The following PARD3B variants were observed in gnomAD, a reference collection of about 807,000 sequenced individuals.
PARD3B encodes the protein partitioning defective 3 homolog B.
In PARD3B, 103 loss-of-function variants were observed where a neutral mutation model predicts 130.2. The ratio of observed to expected loss-of-function variants is 0.79; its 90% confidence interval spans 0.67 to 0.93. The LOEUF is 0.93. Among genes scored for constraint, PARD3B ranks in the 40% least tolerant of loss-of-function variants. PARD3B has a pLI of 0.00. For missense variants in PARD3B, 1,609 were observed against 1,499.2 expected (o/e 1.07, Z -1.21); for synonymous variants, 583 against 553.2 (o/e 1.05, Z -0.76).
chr2:205,471,432 G>A (rs1418988940), intron 20 of PARD3B, among the ~76,000 whole-genome samples: 2 of 145,318 alleles, frequency 1.4e-5, no homozygotes, highest in Non-Finnish European at 3.0e-5. Context: ...CGCAATCTCG[G>A]CTCACTGCAA....
At chr2:204,743,988 G>A (rs946729755) in intron 2 of PARD3B, among the ~76,000 whole-genome samples, 6 of 152,144 alleles carry the variant, frequency 3.9e-5, no homozygotes, top group Non-Finnish European at 8.8e-5. Flanking sequence ...AAACCCAAAG[G>A]TAGGCATTCA....
At chr2:205,506,311 G>T (rs1200342704) in intron 21 of PARD3B, among the ~76,000 whole-genome samples, 1 of 149,420 alleles carries the variant, frequency 6.7e-6, no homozygotes, top group Non-Finnish European at 1.5e-5. Flanking sequence ...CTAGCCTGGT[G>T]ACAGAGTGAG....
intron 2 of PARD3B, among the ~76,000 whole-genome samples, chr2:204,764,730 G>GTC (rs1476360168): frequency 6.6e-6 from 1 of 151,674 alleles, no homozygotes; most frequent in Non-Finnish European, 1.5e-5. Context: ...GTGTGTGTGT[G>GTC]TGTGTGTGTG....
intron 1 of PARD3B, among the ~76,000 whole-genome samples, chr2:204,579,605 G>A (rs531265019): frequency 6.6e-6 from 1 of 152,320 alleles, no homozygotes; most frequent in African/African-American, 2.4e-5. Context: ...GCACATTTAA[G>A]TATGACAGTG....
chr2:204,712,026 G>A (rs2038464437), intron 2 of PARD3B, among the ~76,000 whole-genome samples: 1 of 152,118 alleles, frequency 6.6e-6, no homozygotes, highest in South Asian at 2.1e-4. Flanking sequence ...CTAAACTTTT[G>A]TTTGGTAGGA....
chr2:205,022,609 T>C (rs1255872624), intron 3 of PARD3B, among the ~76,000 whole-genome samples: 1 of 152,176 alleles, frequency 6.6e-6, no homozygotes, highest in African/African-American at 2.4e-5. Flanking sequence ...CCAAGGTAGA[T>C]GGAAGATGAA....
At chr2:204,696,820 G>A (rs571020322) in intron 2 of PARD3B, among the ~76,000 whole-genome samples, 21 of 151,950 alleles carry the variant, frequency 1.4e-4, no homozygotes, top group South Asian at 4.2e-4. Flanking sequence ...GCTTTACTTC[G>A]ATGTTATGAA....
At chr2:205,509,050 G>T (rs2050488341) in intron 21 of PARD3B, among the ~76,000 whole-genome samples, 1 of 151,934 alleles carries the variant, frequency 6.6e-6, no homozygotes, top group Non-Finnish European at 1.5e-5. Flanking sequence ...AGCTATATGG[G>T]AGAAGATCTG....
At chr2:205,156,203 A>C (rs13401826) in intron 10 of PARD3B, among the ~76,000 whole-genome samples, 1,908 of 145,478 alleles carry the variant, frequency 0.013, 21 homozygotes, top group Middle Eastern at 0.035. Context: ...ATAGGTGGGA[A>C]TTGAACAATG....
intron 19 of PARD3B, among the ~76,000 whole-genome samples, chr2:205,435,174 T>C (rs953600488): frequency 2.6e-5 from 4 of 152,032 alleles, no homozygotes; most frequent in Admixed American, 2.0e-4. Context: ...CTTAGGAATT[T>C]TTTGTGTATT....
In PARD3B at chr2:205,620,095, TTATA is replaced by T. The variant is rs2055550506; in HGVS notation, c.*4286_*4289del. 6.6e-6 allele frequency: 1 copy of T among 152,160 alleles called. No individual in the cohort carries two copies. Among genetic ancestry groups the T allele is most frequent in the Non-Finnish European group, 1.5e-5 (1 of 68,038 alleles). 9.4% of individuals were successfully genotyped at this position (152,160 alleles called of 1,614,324 possible). On this transcript the variant is annotated 3_prime_UTR_variant, in exon 23 of 23. Transcript: ENST00000406610. ...ACCACAGAAAACATTTTGGAAGTTGTTATATATGAGTATATAAATTTTTCTTTTC... is the reference window on the plus strand; with the variant it reads ...ACCACAGAAAACATTTTGGAAGTTGTTATGAGTATATAAATTTTTCTTTTC...
chr2:205,346,699 C>T (rs2043804209), intron 18 of PARD3B, among the ~76,000 whole-genome samples: 2 of 152,158 alleles, frequency 1.3e-5, no homozygotes, highest in South Asian at 4.1e-4. Context: ...ATTCCTTCTC[C>T]AGATTACTGT....
chr2:205,162,197 C>A (rs1001060594), intron 11 of PARD3B, among the ~76,000 whole-genome samples: 1 of 152,186 alleles, frequency 6.6e-6, no homozygotes, highest in Admixed American at 6.5e-5. Flanking sequence ...TAAAAACCAA[C>A]AGAACAATAA....
intron 2 of PARD3B, among the ~76,000 whole-genome samples, chr2:204,903,058 G>A (rs534184790): frequency 6.6e-6 from 1 of 152,280 alleles, no homozygotes; most frequent in South Asian, 2.1e-4. Flanking sequence ...TGAGTGAGAG[G>A]AAAAGATTTA....
intron 2 of PARD3B, among the ~76,000 whole-genome samples, chr2:204,739,999 T>A (rs1045462964): frequency 6.6e-6 from 1 of 151,884 alleles, no homozygotes; most frequent in Non-Finnish European, 1.5e-5. Context: ...TTTCTTTCTT[T>A]CTTTTTCTTT....
intron 20 of PARD3B, among the ~76,000 whole-genome samples, chr2:205,467,256 T>C (rs538378876): frequency 6.6e-6 from 1 of 152,226 alleles, no homozygotes; most frequent in Non-Finnish European, 1.5e-5. Context: ...TCCGTGGGGC[T>C]TGGTTTGCAG....
At position 205,091,841 on chromosome 2, in the gene PARD3B, G is replaced by C. The variant is rs1202658703; in HGVS notation, c.505-12585G>C. On this transcript the variant is annotated intron_variant, in intron 4 of 22. Coordinates refer to ENST00000406610, the MANE Select transcript of PARD3B (RefSeq NM_001302769.2). This position sits in a 1 kb window ranked among gnomAD's most constrained non-coding sequence, Gnocchi z 4.2. ...CAGAATGGACTCTTCAGAGCAAAAA[G>C]TGTATACATTTTTTCATCTCTGTAT... 6.6e-6 allele frequency among the ~76,000 whole-genome samples: 1 copy of C among 152,066 alleles called. No homozygotes were observed.
At position 205,607,831 on chromosome 2, in the gene PARD3B, TACACACACACAC is replaced by T. The variant is rs776583001; in HGVS notation, c.3261-7587_3261-7576del. ...TGGAGGCCCTCTCCCCCAACACCCA[TACACACACACAC>T]ACACACACACACACACACACACACA... On this transcript the variant is annotated intron_variant, in intron 22 of 22. Transcript: ENST00000406610. Among the ~76,000 whole-genome samples the T allele has an allele frequency of 3.1e-3, 364 of 116,224 alleles. 2 individuals carry two copies. Among genetic ancestry groups the T allele is most frequent in the Non-Finnish European group, 4.2e-3 (247 of 58,514 alleles). 76.2% of individuals were successfully genotyped at this position (116,224 alleles called of 152,430 possible). A position where few individuals can be genotyped will look rare whatever the true frequency, so the allele number is the denominator to read the frequency against.
intron 3 of PARD3B, among the ~76,000 whole-genome samples, chr2:205,016,640 GCTT>G (rs1696172221): frequency 6.6e-6 from 1 of 152,134 alleles, no homozygotes; most frequent in South Asian, 2.1e-4. Context: ...CGGTCCTAAG[GCTT>G]CTTCTGAAAA....
Sources: allele counts gnomAD v4.1 joint callset (sites outside exome capture counted in the v4.1 genomes callset), GRCh38; gene constraint gnomAD v4.1.1; non-coding constraint Gnocchi (gnomAD v3.1); transcripts MANE v1.5; gene names NCBI Gene and HGNC (gene_info 2026-07-23, HGNC 2026-07-21).